MAPKAP1: variants seen among roughly 807,000 people sequenced by gnomAD.
MAPKAP1 encodes target of rapamycin complex 2 subunit MAPKAP1.
MAPKAP1 carries 20 observed loss-of-function variants against 65.7 expected under a neutral mutation model. The ratio of observed to expected loss-of-function variants is 0.30; its 90% confidence interval spans 0.21 to 0.44. The LOEUF (loss-of-function observed/expected upper bound fraction) is 0.44, where lower values mean the gene tolerates loss of function less well. Among genes scored for constraint, MAPKAP1 ranks in the 20% least tolerant of loss-of-function variants. MAPKAP1 has a pLI of 1.00. For synonymous variants in MAPKAP1, 222 were observed against 244.3 expected (o/e 0.91, Z 0.85); for missense variants, 423 against 648.0 (o/e 0.65, Z 3.77).
chr9:125,697,724 C>A (rs1324575536), intron 1 of MAPKAP1, among the ~76,000 whole-genome samples: 1 of 152,176 alleles, frequency 6.6e-6, no homozygotes, highest in East Asian at 1.9e-4. Context: ...GCTCAAAAGG[C>A]ATGCATAACT....
chr9:125,656,732 C>T (rs1834042457), intron 4 of MAPKAP1, among the ~76,000 whole-genome samples: 1 of 152,120 alleles, frequency 6.6e-6, no homozygotes, highest in African/African-American at 2.4e-5. Context: ...AAAGAGCTAT[C>T]ACTCAGCACC....
intron 8 of MAPKAP1, among the ~76,000 whole-genome samples, chr9:125,488,206 A>C (rs1854565109): frequency 6.6e-6 from 1 of 152,114 alleles, no homozygotes; most frequent in Non-Finnish European, 1.5e-5. Flanking sequence ...CCAACTGACA[A>C]GGGGCATGTC....
chr9:125,569,067 C>T (rs893465773), intron 5 of MAPKAP1, among the ~76,000 whole-genome samples: 1 of 152,154 alleles, frequency 6.6e-6, no homozygotes, highest in East Asian at 1.9e-4. Context: ...GCTTAGAACA[C>T]CTGTAAGCCC....
chr9:125,554,226 T>C lies in MAPKAP1; in HGVS notation c.848+5407A>G, dbSNP rs539574027. On this transcript the variant is annotated intron_variant, in intron 6 of 11. Transcript: ENST00000265960. Reference sequence around the variant, plus strand: ...AGAATTCAGTGGGCACAAAGATCTCTATGAACAGTCTTGCTGGTCTCTGAA... The same window carrying C: ...AGAATTCAGTGGGCACAAAGATCTCCATGAACAGTCTTGCTGGTCTCTGAA... 3.3e-5 allele frequency among the ~76,000 whole-genome samples: 5 copies of C among 152,342 alleles called. No homozygotes were observed. The East Asian group carries it at 7.7e-4, about 23-fold the overall frequency.
intron 7 of MAPKAP1, among the ~76,000 whole-genome samples, chr9:125,525,682 CAA>C (rs1046470707): frequency 2.1e-5 from 2 of 94,480 alleles, no homozygotes; most frequent in Admixed American, 2.0e-4. Flanking sequence ...TCAAACAAAA[CAA>C]AAAAACAAAA....
At chr9:125,677,526 T>C (rs1270138437) in intron 1 of MAPKAP1, among the ~76,000 whole-genome samples, 4 of 152,024 alleles carry the variant, frequency 2.6e-5, no homozygotes, top group Non-Finnish European at 4.4e-5. Flanking sequence ...TGAAACCCCG[T>C]CTCTACTAAA....
At chr9:125,574,836 C>T (rs940834577) in intron 5 of MAPKAP1, among the ~76,000 whole-genome samples, 7 of 152,192 alleles carry the variant, frequency 4.6e-5, no homozygotes, top group African/African-American at 1.4e-4. Context: ...TTCATTACTA[C>T]CCTGTTAGAT....
intron 6 of MAPKAP1, among the ~76,000 whole-genome samples, chr9:125,552,992 G>A (rs553207011): frequency 4.9e-4 from 74 of 152,240 alleles, no homozygotes; most frequent in African/African-American, 1.7e-3. Flanking sequence ...ATATGGATGT[G>A]TAGCTATATA....
Position 125,472,532 on chromosome 9 carries a change from T to C in MAPKAP1, c.1208-4423A>G, listed in dbSNP as rs563255140. Reference sequence around the variant, plus strand: ...GATTTCCTCGGCTAAAGTTTTTGCGTAAAGTCATTTAAGGAATGGCAGAGG... The same window carrying C: ...GATTTCCTCGGCTAAAGTTTTTGCGCAAAGTCATTTAAGGAATGGCAGAGG... On this transcript the variant is annotated intron_variant, in intron 9 of 11. Transcript: ENST00000265960. Among the ~76,000 whole-genome samples, 5 of 152,354 alleles carry C rather than the reference T, an allele frequency of 3.3e-5. No individual in the cohort carries two copies. In the South Asian group the frequency reaches 1.0e-3, roughly 32 times the overall value.
intron 1 of MAPKAP1, among the ~76,000 whole-genome samples, chr9:125,700,867 C>A (rs951336662): frequency 6.6e-6 from 1 of 152,158 alleles, no homozygotes; most frequent in Non-Finnish European, 1.5e-5. Context: ...ACTCCCTGAC[C>A]ATATTTCTCT....
intron 1 of MAPKAP1, among the ~76,000 whole-genome samples, chr9:125,688,045 T>C (rs1427146837): frequency 3.9e-5 from 6 of 152,246 alleles, no homozygotes; most frequent in Non-Finnish European, 8.8e-5. Context: ...GCTTTCATAA[T>C]CTCAATAAAT....
intron 5 of MAPKAP1, among the ~76,000 whole-genome samples, chr9:125,569,677 T>C (rs375387178): frequency 6.6e-6 from 1 of 152,342 alleles, no homozygotes; most frequent in East Asian, 1.9e-4. Flanking sequence ...CAGAGACCCC[T>C]TTCCTGGCCC....
chr9:125,575,619 T>A (rs893663240), intron 5 of MAPKAP1, among the ~76,000 whole-genome samples: 3 of 152,230 alleles, frequency 2.0e-5, no homozygotes, highest in African/African-American at 7.2e-5. Flanking sequence ...CTCAACATGA[T>A]GTAATTAGGG....
In MAPKAP1 at chr9:125,599,073, T is replaced by A. The variant is rs147871288; in HGVS notation, c.499-13346A>T. Among the ~76,000 whole-genome samples the A allele has an allele frequency of 3.1e-3, 465 of 152,108 alleles. 3 individuals are homozygous for A. Among genetic ancestry groups the A allele is most frequent in the African/African-American group, 4.4e-3 (182 of 41,516 alleles). ...AGACTTCATGTAAAGCACTTATTAC[T>A]GTGCCTAGTCCCACAGTAAATGCTC... On this transcript the variant is annotated intron_variant, in intron 4 of 11. Coordinates refer to ENST00000265960, the MANE Select transcript of MAPKAP1 (RefSeq NM_001006617.3).
intron 1 of MAPKAP1, among the ~76,000 whole-genome samples, chr9:125,701,536 G>A (rs1053505328): frequency 2.0e-5 from 3 of 152,108 alleles, no homozygotes; most frequent in Admixed American, 1.3e-4. Flanking sequence ...AGTGGTATCC[G>A]CATATTCAGG....
chr9:125,549,072 T>C (rs1405316263), intron 6 of MAPKAP1, among the ~76,000 whole-genome samples: 1 of 152,236 alleles, frequency 6.6e-6, no homozygotes, highest in Non-Finnish European at 1.5e-5. Flanking sequence ...ACATCTTCCA[T>C]ACCGGAACCA....
intron 1 of MAPKAP1, among the ~76,000 whole-genome samples, chr9:125,693,542 TATATACATATACACACAC>T (rs1332164781): frequency 3.4e-5 from 5 of 148,010 alleles, no homozygotes; most frequent in African/African-American, 1.3e-4. Context: ...TACACACACA[TATATACATATACACACAC>T]ATATATACAT....
chr9:125,643,210 G>T (rs561226782), intron 4 of MAPKAP1, among the ~76,000 whole-genome samples: 11 of 133,530 alleles, frequency 8.2e-5, no homozygotes, highest in Non-Finnish European at 9.6e-5. Context: ...TTTTTTTTTT[G>T]GGGGGAGGGA....
At chr9:125,591,939 T>C (rs1831978206) in intron 4 of MAPKAP1, among the ~76,000 whole-genome samples, 1 of 152,188 alleles carries the variant, frequency 6.6e-6, no homozygotes, top group South Asian at 2.1e-4. Context: ...TGCATGGCAA[T>C]TTACGTGTTC....
Sources: allele counts gnomAD v4.1 joint callset (sites outside exome capture counted in the v4.1 genomes callset), GRCh38; gene constraint gnomAD v4.1.1; transcripts MANE v1.5; gene names NCBI Gene and HGNC (gene_info 2026-07-23, HGNC 2026-07-21).